Variants in PAM observed in about 807,000 individuals in gnomAD.
The protein encoded by PAM is peptidylglycine alpha-amidating monooxygenase, also known as peptidyl-glycine alpha-amidating monooxygenase.
In PAM, 72 loss-of-function variants were observed where a neutral mutation model predicts 122.1. The ratio of observed to expected loss-of-function variants is 0.59; its 90% CI spans 0.49 to 0.72. PAM has a LOEUF of 0.72. PAM is among the 30% of genes least tolerant of loss of function. The probability of loss-of-function intolerance (pLI) is 0.00; values close to 1 mark genes in which losing one functional copy is unlikely to be tolerated. For synonymous variants in PAM, 389 were observed against 404.4 expected, an observed-to-expected ratio of 0.96 and a Z score of 0.46; for missense variants, 1,106 against 1,183.7, an observed-to-expected ratio of 0.93 and a Z score of 0.96.
intron 16 of PAM, among the ~76,000 whole-genome samples, chr5:102,994,320 A>G (rs561992049): frequency 1.2e-4 from 18 of 152,330 alleles, no homozygotes; most frequent in African/African-American, 4.3e-4. Flanking sequence ...TTTTAGTAAT[A>G]CAGGATTAAT....
At chr5:102,931,906 T>C (rs779732386) in intron 7 of PAM, among the ~76,000 whole-genome samples, 7 of 152,278 alleles carry the variant, frequency 4.6e-5, no homozygotes, top group Non-Finnish European at 7.3e-5. Flanking sequence ...ATTTAGTATG[T>C]TCCTGGAAGT....
rs374973527 is a variant in PAM, at chr5:102,999,040, G to A, written c.1614-3993G>A. Among the ~76,000 whole-genome samples, 255 of 152,326 alleles carry A rather than the reference G, an allele frequency of 1.7e-3. 8 individuals carry two copies. In the South Asian group the frequency reaches 0.051, roughly 30 times the overall value. ...AAAAACGTCCTTCACATGATGGCAG[G>A]AAGAAGTGCTGAGCAGAAGTGGGAA... On this transcript the variant is annotated intron_variant, in intron 16 of 25. Transcript: ENST00000438793.
chr5:102,872,988 G>T (rs1015046698), intron 3 of PAM, among the ~76,000 whole-genome samples: 2 of 151,934 alleles, frequency 1.3e-5, no homozygotes, highest in Non-Finnish European at 2.9e-5. Context: ...ACCTGGGTGA[G>T]GGAATAATCT....
downstream of PAM, chr5:103,030,115 CT>C (rs1786049753): frequency 6.6e-6 from 1 of 152,120 alleles, no homozygotes; most frequent in Non-Finnish European, 1.5e-5. Context: ...CAAGCCTATA[CT>C]TCCAGGACTT....
intron 7 of PAM, among the ~76,000 whole-genome samples, chr5:102,931,215 G>C (rs931338918): frequency 1.3e-5 from 2 of 152,180 alleles, no homozygotes; most frequent in Non-Finnish European, 2.9e-5. Context: ...TTTCAAAGAT[G>C]TTGTAGTTTC....
Position 103,003,010 on chromosome 5 carries a change from C to T in PAM, c.1614-23C>T, listed in dbSNP as rs745947530. 12 of 1,020,340 alleles carry T rather than the reference C, an allele frequency of 1.2e-5. No homozygotes were observed. In the South Asian group the frequency reaches 1.4e-4, roughly 12 times the overall value. 63.2% of individuals were successfully genotyped at this position (1,020,340 alleles called of 1,614,324 possible). A position where few individuals can be genotyped will look rare whatever the true frequency, so the allele number is the denominator to read the frequency against. On this transcript the variant is annotated intron_variant, in intron 16 of 25. Coordinates refer to ENST00000438793, the MANE Select transcript of PAM (RefSeq NM_001177306.2). ...ATTGGAATTTATGATTGTTTCATGT[C>T]CTATTTAATGCTTTTTGTTTAGCTC...
At chr5:102,803,169 G>A (rs201527548) in intron 1 of PAM, among the ~76,000 whole-genome samples, 338 of 12,984 alleles carry the variant, frequency 0.026, 12 homozygotes, top group South Asian at 0.15. Flanking sequence ...AAGGAAGGAA[G>A]GAAGGAAGGA....
chr5:103,012,848 T>C (rs1582901311), intron 21 of PAM, among the ~76,000 whole-genome samples: 1 of 142,816 alleles, frequency 7.0e-6, no homozygotes, highest in African/African-American at 2.6e-5. Context: ...AGAGCAAGAC[T>C]CTGCCTCAAA....
chr5:102,848,258 C>T (rs981144562), intron 1 of PAM, among the ~76,000 whole-genome samples: 3 of 151,820 alleles, frequency 2.0e-5, no homozygotes, highest in African/African-American at 7.3e-5. Context: ...GTTTTGCTTT[C>T]TCCTGATTAT....
chr5:102,921,056 C>T (rs1221913469), intron 5 of PAM, among the ~76,000 whole-genome samples: 1 of 152,084 alleles, frequency 6.6e-6, no homozygotes, highest in Non-Finnish European at 1.5e-5. Context: ...AGAATCCAGA[C>T]TAGTTTTATT....
intron 1 of PAM, among the ~76,000 whole-genome samples, chr5:102,773,576 C>T (rs182058820): frequency 6.6e-6 from 1 of 152,034 alleles, no homozygotes; most frequent in Non-Finnish European, 1.5e-5. Context: ...AAAAAACATT[C>T]ATTCTCAGCT....
intron 12 of PAM, among the ~76,000 whole-genome samples, chr5:102,952,724 A>G (rs746958059): frequency 2.6e-5 from 4 of 152,152 alleles, no homozygotes; most frequent in Non-Finnish European, 5.9e-5. Flanking sequence ...TGTTTTATAA[A>G]ATAATAGGCA....
At chr5:102,990,466 A>G (rs1262699937) in intron 16 of PAM, 65 bp downstream of exon 16, 2 of 1,226,974 alleles carry the variant, frequency 1.6e-6, no homozygotes, top group Non-Finnish European at 2.3e-6. Context: ...TTTTTTCACT[A>G]AACTAAGAAT....
At chr5:102,947,411 G>A (rs1582033035) in intron 8 of PAM, among the ~76,000 whole-genome samples, 1 of 152,134 alleles carries the variant, frequency 6.6e-6, no homozygotes, top group East Asian at 1.9e-4. Context: ...ATAAGTTACC[G>A]AGTAACTCAG....
Position 102,783,970 on chromosome 5 carries a change from C to T in PAM, c.-374+28622C>T, listed in dbSNP as rs777963369. Among the ~76,000 whole-genome samples the T allele has an allele frequency of 1.8e-4, 28 of 151,820 alleles. 1 individual carries two copies. Among genetic ancestry groups the T allele is most frequent in the Non-Finnish European group, 3.8e-4 (26 of 67,964 alleles). On this transcript the variant is annotated intron_variant, in intron 1 of 25. Coordinates refer to ENST00000438793, the MANE Select transcript of PAM (RefSeq NM_001177306.2). ...GGAGTGCAGTGGCGCAATCTCGGCT[C>T]ACTGCAAGCTCCGCCTCCAGGGTTC... is the stretch of plus-strand genomic sequence containing the variant.
At chr5:102,993,074 T>C (rs1774638312) in intron 16 of PAM, among the ~76,000 whole-genome samples, 1 of 152,078 alleles carries the variant, frequency 6.6e-6, no homozygotes, top group Admixed American at 6.6e-5. Flanking sequence ...TAAATATACA[T>C]AGCAACCAAA....
At chr5:102,942,090 G>A (rs1206241651) in intron 7 of PAM, among the ~76,000 whole-genome samples, 3 of 151,868 alleles carry the variant, frequency 2.0e-5, no homozygotes, top group Non-Finnish European at 4.4e-5. Flanking sequence ...AAACAACATG[G>A]CCCAACTGAC....
intron 1 of PAM, among the ~76,000 whole-genome samples, chr5:102,759,878 G>A (rs191247838): frequency 4.6e-5 from 7 of 152,318 alleles, no homozygotes; most frequent in Non-Finnish European, 8.8e-5. Context: ...TAGAGAATGA[G>A]TGGGAGGAGG....
chr5:102,978,358 C>A (rs1378621961), intron 15 of PAM, among the ~76,000 whole-genome samples: 2 of 152,220 alleles, frequency 1.3e-5, no homozygotes, highest in South Asian at 2.1e-4. Flanking sequence ...AGATGTACTT[C>A]TTTTTAAACT....
Sources: gnomAD v4.1 joint callset for allele counts (sites outside exome capture counted in the v4.1 genomes callset) on GRCh38, gnomAD v4.1.1 for gene constraint, MANE v1.5 for transcripts, NCBI Gene and HGNC (gene_info 2026-07-23, HGNC 2026-07-21) for gene names.